Variants in KCND3 observed in about 807,000 individuals in gnomAD.
KCND3 encodes potassium voltage-gated channel subfamily D member 3.
Under a neutral mutation model 51.1 loss-of-function variants are expected in KCND3, and 9 were observed. The ratio of observed to expected loss-of-function variants is 0.18; its 90% CI spans 0.11 to 0.31. The LOEUF (loss-of-function observed/expected upper bound fraction) is 0.31. Ranked by LOEUF, KCND3 falls within the 10% of genes least tolerant of loss-of-function variation. The pLI is 1.00. For missense variants in KCND3, 526 were observed against 903.8 expected, an observed-to-expected ratio of 0.58 and a Z score of 5.36; for synonymous variants, 349 against 368.0, an observed-to-expected ratio of 0.95 and a Z score of 0.59.
chr1:111,778,263 C>T (rs778263554), intron 6 of KCND3, among the ~76,000 whole-genome samples, 173 bp downstream of exon 6: 4 of 152,056 alleles, frequency 2.6e-5, no homozygotes, highest in Non-Finnish European at 5.9e-5. Flanking sequence ...GGTGGTTCAG[C>T]GCAAGAAACT....
chr1:111,839,588 A>G (rs1667231201), intron 2 of KCND3, among the ~76,000 whole-genome samples: 5 of 152,276 alleles, frequency 3.3e-5, no homozygotes, highest in Admixed American at 2.6e-4. Context: ...TCAGAAAAGG[A>G]GAGGAAGAGC....
chr1:111,900,167 A>T (rs1670319717), intron 2 of KCND3, among the ~76,000 whole-genome samples: 2 of 152,068 alleles, frequency 1.3e-5, no homozygotes, highest in Non-Finnish European at 2.9e-5. Context: ...TGCCTTCTCC[A>T]CATCTCTCCC....
rs17215423 is a variant in KCND3 at position 111,982,058 on chromosome 1, C to T, written c.669G>A (p.Ser223=). Residue 223 remains serine, a synonymous_variant, in exon 2 of 8, where the codon TCG becomes TCA. Coordinates refer to ENST00000302127, the MANE Select transcript of KCND3 (RefSeq NM_001378969.1). This position sits in a 1 kb window ranked among gnomAD's most constrained non-coding sequence, Gnocchi z 8.5. ...SKELPCGERY[S]VAFFCLDTAC... ...CCGTGTCCAGGCAGAAGAAGGCCAC[C>T]GAGTAGCGCTCCCCGCACGGCAGCT... 7 of 1,613,594 alleles carry T rather than the reference C, an allele frequency of 4.3e-6. No homozygotes were observed. Among genetic ancestry groups the T allele is most frequent in the Admixed American group, 1.7e-5 (1 of 59,986 alleles).
chr1:111,960,038 A>G (rs1406119558), intron 2 of KCND3, among the ~76,000 whole-genome samples: 1 of 146,238 alleles, frequency 6.8e-6, no homozygotes, highest in African/African-American at 2.4e-5. Context: ...CATGTGGAAA[A>G]AAAGAAAAAA....
rs916529818 is a variant in KCND3 at position 111,829,790 on chromosome 1, G to C, written c.1107-42684C>G. On this transcript the variant is annotated intron_variant, in intron 2 of 7. Coordinates refer to ENST00000302127, the MANE Select transcript of KCND3 (RefSeq NM_001378969.1). ...GGCTCTTCAAACTCAACGTGTTGTT[G>C]CTAACAAAATGGATTATCCCCCCCA... Among the ~76,000 whole-genome samples the C allele has an allele frequency of 1.8e-4, 28 of 152,210 alleles. 1 individual carries two copies. In the South Asian group the frequency reaches 5.6e-3, roughly 30 times the overall value.
At chr1:111,886,925 T>A (rs1669597725) in intron 2 of KCND3, among the ~76,000 whole-genome samples, 3 of 152,188 alleles carry the variant, frequency 2.0e-5, no homozygotes, top group Admixed American at 2.0e-4. Flanking sequence ...CACTGCCTGG[T>A]CACCATGCTC....
Position 111,771,231 on chromosome 1 carries a change from T to C in KCND3, c.*4846A>G, listed in dbSNP as rs1369964150. 3 of 152,192 alleles carry C rather than the reference T, an allele frequency of 2.0e-5. No homozygotes were observed. In the East Asian group the frequency reaches 5.8e-4, roughly 29 times the overall value. 9.4% of individuals were successfully genotyped at this position (152,192 alleles called of 1,614,324 possible). On this transcript the variant is annotated 3_prime_UTR_variant, in exon 8 of 8. Coordinates refer to ENST00000302127, the MANE Select transcript of KCND3 (RefSeq NM_001378969.1). Reference sequence around the variant, plus strand: ...GACTTAAAAGGAACCCCTTTAAAGCTGTTTCATTTTCTGATAGCCACTTTC... The same window carrying C: ...GACTTAAAAGGAACCCCTTTAAAGCCGTTTCATTTTCTGATAGCCACTTTC...
At chr1:111,952,155 C>T (rs1159308977) in intron 2 of KCND3, among the ~76,000 whole-genome samples, 1 of 152,192 alleles carries the variant, frequency 6.6e-6, no homozygotes, top group African/African-American at 2.4e-5. Flanking sequence ...CTCTGGGAGT[C>T]AGCCTTAGGG....
chr1:111,829,203 C>T (rs947833349), intron 2 of KCND3, among the ~76,000 whole-genome samples: 9 of 152,204 alleles, frequency 5.9e-5, no homozygotes, highest in East Asian at 3.9e-4. Context: ...TGTGGTTGTG[C>T]GGTTGCAGGG....
chr1:111,916,953 T>C (rs1041349298), intron 2 of KCND3, among the ~76,000 whole-genome samples: 1 of 152,214 alleles, frequency 6.6e-6, no homozygotes, highest in Non-Finnish European at 1.5e-5. Context: ...GCTTCACTGA[T>C]AAATTCTACT....
rs564304459 is a variant in KCND3 at position 111,977,837 on chromosome 1, G to A, written c.1106+3784C>T. ...TTACATCATATAATACATTCTCAAA[G>A]TAGTTAGGTTGGTCTTATTTAATAT... On this transcript the variant is annotated intron_variant, in intron 2 of 7. Coordinates refer to ENST00000302127, the MANE Select transcript of KCND3 (RefSeq NM_001378969.1). Among the ~76,000 whole-genome samples, 77 of 152,352 alleles carry A rather than the reference G, an allele frequency of 5.1e-4. 1 individual carries two copies. Among genetic ancestry groups the A allele is most frequent in the African/African-American group, 1.7e-3 (72 of 41,576 alleles).
At chr1:111,836,778 G>A (rs994200094) in intron 2 of KCND3, among the ~76,000 whole-genome samples, 7 of 152,146 alleles carry the variant, frequency 4.6e-5, no homozygotes, top group East Asian at 1.9e-4. Flanking sequence ...CAGATGTTGG[G>A]TAAATTTCCC....
At chr1:111,904,620 G>A (rs1170845814) in intron 2 of KCND3, among the ~76,000 whole-genome samples, 1 of 152,168 alleles carries the variant, frequency 6.6e-6, no homozygotes, top group African/African-American at 2.4e-5. Context: ...AATATAGAAA[G>A]GGCTCCCTCC....
intron 2 of KCND3, among the ~76,000 whole-genome samples, chr1:111,845,752 C>T (rs1411639046): frequency 6.6e-6 from 1 of 152,194 alleles, no homozygotes; most frequent in East Asian, 1.9e-4. Context: ...GATTAAATAA[C>T]TTACTCAAGG....
intron 2 of KCND3, among the ~76,000 whole-genome samples, chr1:111,906,517 T>C (rs576538032): frequency 6.6e-6 from 1 of 152,380 alleles, no homozygotes; most frequent in East Asian, 1.9e-4. Context: ...CTAGAATCAC[T>C]ATTTATTTTT....
intron 2 of KCND3, among the ~76,000 whole-genome samples, chr1:111,945,193 T>C (rs1021350823): frequency 5.3e-5 from 8 of 152,188 alleles, no homozygotes; most frequent in African/African-American, 1.9e-4. Flanking sequence ...GCAGGGCAGA[T>C]GATTTGTTGA....
chr1:111,988,403 A>C (rs1055232289), intron 1 of KCND3, among the ~76,000 whole-genome samples: 1 of 152,158 alleles, frequency 6.6e-6, no homozygotes, highest in Non-Finnish European at 1.5e-5. Flanking sequence ...GCAAAAGGGA[A>C]CAAGCTACTA....
intron 2 of KCND3, among the ~76,000 whole-genome samples, chr1:111,825,708 T>C (rs1666543129): frequency 6.6e-6 from 1 of 152,244 alleles, no homozygotes; most frequent in Non-Finnish European, 1.5e-5. Flanking sequence ...AGTCTTGTTT[T>C]TCTTTTAAAT....
intron 2 of KCND3, among the ~76,000 whole-genome samples, chr1:111,805,226 G>GA (rs56662356): frequency 0.16 from 23,858 of 151,004 alleles, 2,951 homozygotes; most frequent in African/African-American, 0.35. Context: ...CCAACAGGGG[G>GA]AAAAAAAAAG....
Sources: allele counts gnomAD v4.1 joint callset (sites outside exome capture counted in the v4.1 genomes callset), GRCh38; gene constraint gnomAD v4.1.1; non-coding constraint Gnocchi (gnomAD v3.1); transcripts MANE v1.5; gene names NCBI Gene and HGNC (gene_info 2026-07-23, HGNC 2026-07-21).